DNAH10: variants seen among roughly 807,000 people sequenced by gnomAD.
The protein encoded by DNAH10 is dynein axonemal heavy chain 10.
Under a neutral mutation model 506.6 loss-of-function variants are expected in DNAH10, and 348 were observed. That is an observed-to-expected ratio of 0.69 (90% CI 0.63 to 0.75). The LOEUF (loss-of-function observed/expected upper bound fraction) is 0.75. DNAH10 is among the 30% of genes least tolerant of loss of function. DNAH10 has a pLI of 0.00. For missense variants in DNAH10, 5,179 were observed against 5,787.1 expected, an observed-to-expected ratio of 0.89 and a Z score of 3.41; for synonymous variants, 2,059 against 2,198.6, an observed-to-expected ratio of 0.94 and a Z score of 1.78.
intron 21 of DNAH10, among the ~76,000 whole-genome samples, chr12:123,815,232 A>G (rs1411264939): frequency 1.3e-5 from 2 of 152,106 alleles, no homozygotes; most frequent in African/African-American, 4.8e-5. Flanking sequence ...AATTTTCCCC[A>G]TAGAGGCCTT....
chr12:123,898,012 A>G (rs760990784), intron 55 of DNAH10, 45 bp downstream of exon 55: 8 of 1,496,346 alleles, frequency 5.3e-6, no homozygotes, highest in Non-Finnish European at 7.1e-6. Flanking sequence ...ATTATTATTT[A>G]TGGGTAAGGA....
chr12:123,888,779 G>C (rs563880264), intron 52 of DNAH10, among the ~76,000 whole-genome samples: 6 of 152,258 alleles, frequency 3.9e-5, no homozygotes, highest in African/African-American at 1.4e-4. Context: ...ACTGAGGTGA[G>C]ACTCGAACCC....
At chr12:123,786,371 G>A (rs1222319269) in intron 9 of DNAH10, among the ~76,000 whole-genome samples, 1 of 143,732 alleles carries the variant, frequency 7.0e-6, no homozygotes, top group Admixed American at 7.0e-5. Context: ...TCACAGAATT[G>A]TGCAGCCGTA....
intron 3 of DNAH10, among the ~76,000 whole-genome samples, chr12:123,772,392 G>A (rs1188554816): frequency 6.6e-6 from 1 of 152,240 alleles, no homozygotes; most frequent in Non-Finnish European, 1.5e-5. Context: ...GGCCGGTTCT[G>A]AAGACGTTTG....
chr12:123,901,670 T>A (rs1035308541), intron 56 of DNAH10, among the ~76,000 whole-genome samples: 6 of 152,180 alleles, frequency 3.9e-5, no homozygotes, highest in South Asian at 2.1e-4. Flanking sequence ...TTAATTAATT[T>A]ATTTTTTTGA....
intron 64 of DNAH10, among the ~76,000 whole-genome samples, chr12:123,918,264 G>A (rs1198563093): frequency 6.6e-6 from 1 of 152,208 alleles, no homozygotes; most frequent in Non-Finnish European, 1.5e-5. Flanking sequence ...AAACCCAAAG[G>A]GGTAAGTGAG....
In DNAH10 at chr12:123,850,915, T is replaced by A. The variant is rs1174216029; in HGVS notation, c.6130T>A (p.Ser2044Thr). 4.3e-6 allele frequency: 7 copies of A among 1,613,284 alleles called. No individual in the cohort carries two copies. Among genetic ancestry groups the A allele is most frequent in the Non-Finnish European group, 5.9e-6 (7 of 1,179,514 alleles). Residue 2044 changes from serine to threonine, a missense_variant, in exon 35 of 79, where the codon TCC becomes ACC. Ser to Thr is a moderately conservative substitution (Grantham distance 58). Around this residue, in one of 3 missense-constraint regions of DNAH10, gnomAD observed 4,844 missense variants for 5,430.5 expected, o/e 0.89. Transcript: ENST00000673944. The surrounding 1 kb of genome is among the most constrained non-coding windows in gnomAD (Gnocchi z 5.5). ...QFEGQEISLD[S>T]RMGIFITMNP... ...TGAAGGGCAGGAGATTTCCCTGGAC[T>A]CCCGCATGGGCATCTTCATCACCAT...
intron 62 of DNAH10, 75 bp downstream of exon 62, chr12:123,915,074 A>T: frequency 6.7e-7 from 1 of 1,495,442 alleles, no homozygotes; most frequent in Non-Finnish European, 8.9e-7. Context: ...CGCCTCCTGT[A>T]CGTGGCAGTC....
At chr12:123,885,388 G>A (rs113839894) in intron 51 of DNAH10, among the ~76,000 whole-genome samples, 4 of 152,144 alleles carry the variant, frequency 2.6e-5, no homozygotes, top group African/African-American at 7.2e-5. Flanking sequence ...TCCAATGGCG[G>A]GCATTTAGCT....
At chr12:123,895,422 G>A (rs530591511) in intron 54 of DNAH10, among the ~76,000 whole-genome samples, 32 of 152,312 alleles carry the variant, frequency 2.1e-4, no homozygotes, top group African/African-American at 6.7e-4. Flanking sequence ...TATGTAAGAA[G>A]AAATCATAAC....
intron 21 of DNAH10, 37 bp from the exon 22 acceptor site, chr12:123,818,913 T>G: frequency 1.9e-5 from 26 of 1,373,746 alleles, no homozygotes; most frequent in South Asian, 2.5e-5. Context: ...TTGCTCATCA[T>G]TTGTTGTTTA....
intron 51 of DNAH10, among the ~76,000 whole-genome samples, chr12:123,882,789 C>CAAAA (rs59295124): frequency 4.8e-5 from 3 of 62,252 alleles, no homozygotes; most frequent in Non-Finnish European, 8.6e-5. Context: ...AAGACTCTGT[C>CAAAA]AAAAAAAAAA....
intron 33 of DNAH10, 57 bp downstream of exon 33, chr12:123,848,152 G>A (rs1951029798): frequency 6.4e-7 from 1 of 1,568,956 alleles, no homozygotes; most frequent in Middle Eastern, 1.9e-4. Context: ...CTTAAAGCAG[G>A]ACATGGCATT....
At chr12:123,794,853 A>G (rs1958215437) in intron 12 of DNAH10, among the ~76,000 whole-genome samples, 1 of 151,048 alleles carries the variant, frequency 6.6e-6, no homozygotes, top group African/African-American at 2.4e-5. Flanking sequence ...TCTAAAAAAA[A>G]AAAAAAAATG....
At position 123,833,263 on chromosome 12, in the gene DNAH10, C is replaced by T; in HGVS notation, c.4695C>T (p.Ile1565=). The change falls in exon 27 of 79, where the codon ATC becomes ATT. Residue 1565 remains isoleucine (I), a synonymous_variant. Coordinates refer to ENST00000673944, the MANE Select transcript of DNAH10 (RefSeq NM_001372106.1). Reference sequence around the variant, plus strand: ...ACAACACTTTCAACCTGCAGAGCATCTCAGGAAGCAGATTTGTGGGGCCTT... The same window carrying T: ...ACAACACTTTCAACCTGCAGAGCATTTCAGGAAGCAGATTTGTGGGGCCTT... The part of the protein sequence containing the change: ...LDDNTFNLQS[I]SGSRFVGPFL... 1 of 1,613,876 alleles carries T rather than the reference C, an allele frequency of 6.2e-7. No individual in the cohort carries two copies. The highest frequency in any genetic ancestry group is 8.5e-7 in the Non-Finnish European group (1 of 1,179,856).
At chr12:123,922,803 C>T (rs943807035) in intron 65 of DNAH10, 1 of 152,190 alleles carries the variant, frequency 6.6e-6, no homozygotes, top group Non-Finnish European at 1.5e-5. Flanking sequence ...CTTATAAGGA[C>T]ACCAGTGAGG....
At chr12:123,801,259 A>T (rs766086722) in intron 15 of DNAH10, 22 bp from the exon 16 acceptor site, 1 of 1,611,078 alleles carries the variant, frequency 6.2e-7, no homozygotes, top group South Asian at 1.1e-5. Context: ...CCTCAGGTTT[A>T]TGACATTCCT....
rs536381450 is a variant in DNAH10 at position 123,777,709 on chromosome 12, G to A, written c.622-3371G>A. ...CACCTAGGCTGGAGTGCAGTGGCGC[G>A]AGCATGGCTCACTGCAGCCTTAACC... is the stretch of plus-strand genomic sequence containing the variant. On this transcript the variant is annotated intron_variant, in intron 5 of 78. Coordinates refer to ENST00000673944, the MANE Select transcript of DNAH10 (RefSeq NM_001372106.1). Among the ~76,000 whole-genome samples, 97 of 152,242 alleles carry A rather than the reference G, an allele frequency of 6.4e-4. 1 individual carries two copies. The highest frequency in any genetic ancestry group is 2.0e-3 in the African/African-American group (85 of 41,542).
intron 30 of DNAH10, among the ~76,000 whole-genome samples, chr12:123,845,191 G>A (rs923359631): frequency 6.6e-6 from 1 of 151,988 alleles, no homozygotes; most frequent in Non-Finnish European, 1.5e-5. Context: ...TAGAGATAGG[G>A]TTTTGCTATG....
Sources: gnomAD v4.1 joint callset for allele counts (sites outside exome capture counted in the v4.1 genomes callset) on GRCh38, gnomAD v4.1.1 for gene constraint, gnomAD v4.1.1 regional missense constraint, Gnocchi (gnomAD v3.1) non-coding constraint, MANE v1.5 for transcripts, NCBI Gene and HGNC (gene_info 2026-07-23, HGNC 2026-07-21) for gene names.